SLC5A4: variants seen among roughly 807,000 people sequenced by gnomAD.
The protein encoded by SLC5A4 is solute carrier family 5 member 4, also known as probable glucose sensor protein SLC5A4.
In SLC5A4, 55 loss-of-function variants were observed where a neutral mutation model predicts 70.3. The ratio of observed to expected loss-of-function variants is 0.78; its 90% CI spans 0.63 to 0.98. SLC5A4 has a LOEUF of 0.98. Among genes scored for constraint, SLC5A4 ranks in the 50% least tolerant of loss-of-function variants. The pLI, the probability that SLC5A4 is intolerant of heterozygous loss-of-function variation, is 0.00. For synonymous variants in SLC5A4, 268 were observed against 305.7 expected (o/e 0.88, Z 1.29); for missense variants, 735 against 839.2 (o/e 0.88, Z 1.53).
At chr22:32,310,064 G>A in the SLC5A4 span, among the ~76,000 whole-genome samples, 1 of 146,868 alleles carries the variant, frequency 6.8e-6, no homozygotes, top group Non-Finnish European at 1.5e-5. Flanking sequence ...TGGGGAGGGG[G>A]GAGGGAGGAC....
chr22:32,271,359 G>T, the SLC5A4 span: 1 of 738,478 alleles, frequency 1.4e-6, no homozygotes, highest in South Asian at 1.5e-5. Flanking sequence ...GCTGCTGGTT[G>T]TGCTGGGCAG....
the SLC5A4 span, chr22:32,270,322 CACAGGAAGAA>C: frequency 2.2e-5 from 22 of 982,898 alleles, no homozygotes; most frequent in African/African-American, 3.5e-4. Context: ...TTGCTCCAGC[CACAGGAAGAA>C]TGGGGCTCTG....
the SLC5A4 span, among the ~76,000 whole-genome samples, chr22:32,334,944 G>A: frequency 6.6e-6 from 1 of 152,338 alleles, no homozygotes; most frequent in South Asian, 2.1e-4. Flanking sequence ...AGGAGGAGCT[G>A]GGCAGTGAAG....
chr22:32,336,059 C>T, the SLC5A4 span, among the ~76,000 whole-genome samples: 1 of 152,234 alleles, frequency 6.6e-6, no homozygotes, highest in Admixed American at 6.5e-5. Flanking sequence ...CATAGTCCTC[C>T]CTGACCCAGG....
At chr22:32,221,751 G>GTTTGT (rs1925094236) in intron 13 of SLC5A4, among the ~76,000 whole-genome samples, 1 of 151,176 alleles carries the variant, frequency 6.6e-6, no homozygotes. Flanking sequence ...TTTTTTGTTT[G>GTTTGT]TTTGTTTTGT....
chr22:32,243,090 A>G (rs193088824), intron 5 of SLC5A4, among the ~76,000 whole-genome samples: 1 of 152,348 alleles, frequency 6.6e-6, no homozygotes, highest in Non-Finnish European at 1.5e-5. Context: ...GATTAAAATT[A>G]ACATCACCAT....
the SLC5A4 span, among the ~76,000 whole-genome samples, chr22:32,291,516 A>G: frequency 1.3e-5 from 2 of 152,220 alleles, no homozygotes; most frequent in African/African-American, 4.8e-5. Context: ...TATGGCTGAC[A>G]TTAGTTTTCA....
chr22:32,311,875 G>A, the SLC5A4 span, among the ~76,000 whole-genome samples: 605 of 152,280 alleles, frequency 4.0e-3, 3 homozygotes, highest in Non-Finnish European at 7.1e-3. Flanking sequence ...CCTGGCTGGG[G>A]ATCACGTCAT....
upstream of SLC5A4, among the ~76,000 whole-genome samples, chr22:32,257,687 CAG>C (rs1292100814): frequency 8.7e-6 from 1 of 115,122 alleles, no homozygotes; most frequent in Non-Finnish European, 1.6e-5. Context: ...TTTTTTGAGA[CAG>C]AGTTTCACTC....
chr22:32,347,843 C>G, the SLC5A4 span, among the ~76,000 whole-genome samples: 3 of 151,464 alleles, frequency 2.0e-5, no homozygotes, highest in Non-Finnish European at 4.4e-5. Flanking sequence ...TACCCTAAAA[C>G]TTAAAGTATA....
the SLC5A4 span, among the ~76,000 whole-genome samples, chr22:32,317,587 T>A: frequency 6.6e-6 from 1 of 152,178 alleles, no homozygotes; most frequent in African/African-American, 2.4e-5. Context: ...CCCTGCCTCC[T>A]GTGTAGCTAA....
At chr22:32,265,664 A>ACC in the SLC5A4 span, among the ~76,000 whole-genome samples, 3 of 151,788 alleles carry the variant, frequency 2.0e-5, no homozygotes, top group Non-Finnish European at 1.5e-5. Context: ...ACATGGTGAA[A>ACC]CCCCCTCTCT....
At chr22:32,288,216 A>G in the SLC5A4 span, among the ~76,000 whole-genome samples, 17 of 152,282 alleles carry the variant, frequency 1.1e-4, no homozygotes, top group Middle Eastern at 3.4e-3. Flanking sequence ...CTCTTGAGAA[A>G]GTGAGAGTAT....
chr22:32,244,053 G>T (rs1331254093), intron 5 of SLC5A4, among the ~76,000 whole-genome samples: 2 of 152,126 alleles, frequency 1.3e-5, no homozygotes, highest in Non-Finnish European at 2.9e-5. Context: ...TTTTCTCTAA[G>T]ATTTGAAATA....
chr22:32,282,090 G>A, the SLC5A4 span, among the ~76,000 whole-genome samples: 5 of 152,154 alleles, frequency 3.3e-5, no homozygotes, highest in East Asian at 5.8e-4. Context: ...TGATCTGCCC[G>A]CCTCAGCCTC....
the SLC5A4 span, chr22:32,272,757 G>T: frequency 7.8e-6 from 4 of 510,864 alleles, no homozygotes; most frequent in Non-Finnish European, 1.5e-5. Flanking sequence ...GGGAGCCACT[G>T]AGGGGCTCAG....
chr22:32,319,825 C>T, the SLC5A4 span, among the ~76,000 whole-genome samples: 451 of 152,310 alleles, frequency 3.0e-3, 4 homozygotes, highest in African/African-American at 0.01. Flanking sequence ...TAAAAACTGT[C>T]TGCAGTCTCC....
the SLC5A4 span, chr22:32,272,446 A>G: frequency 2.4e-6 from 2 of 833,940 alleles, no homozygotes; most frequent in South Asian, 1.4e-5. Flanking sequence ...CCACCAGATG[A>G]TCAGCGTCAG....
chr22:32,328,746 T>C, the SLC5A4 span, among the ~76,000 whole-genome samples: 2 of 152,234 alleles, frequency 1.3e-5, no homozygotes, highest in African/African-American at 4.8e-5. Context: ...TGTTTTAAGC[T>C]GCTGACTTGT....
Sources: allele counts gnomAD v4.1 joint callset (sites outside exome capture counted in the v4.1 genomes callset), GRCh38; gene constraint gnomAD v4.1.1; transcripts MANE v1.5; gene names NCBI Gene and HGNC (gene_info 2026-07-23, HGNC 2026-07-21).